GRK4: variants seen among roughly 807,000 people sequenced by gnomAD.
The protein encoded by GRK4 is G protein-coupled receptor kinase 4, also known as G protein-coupled receptor kinase 2-like.
A neutral mutation model predicts 77.9 loss-of-function variants in GRK4; 73 were observed. The observed-to-expected ratio is 0.94, with a 90% CI of 0.78 to 1.14. The LOEUF (loss-of-function observed/expected upper bound fraction) is 1.14. GRK4 is among the 50% of genes most tolerant of loss of function. The pLI, the probability that GRK4 is intolerant of heterozygous loss-of-function variation, is 0.00. For synonymous variants in GRK4, 257 were observed against 254.4 expected, an observed-to-expected ratio of 1.01 and a Z score of -0.10; for missense variants, 729 against 700.2, an observed-to-expected ratio of 1.04 and a Z score of -0.46.
chr4:2,987,966 C>T (rs561111180), intron 2 of GRK4, among the ~76,000 whole-genome samples: 58 of 150,816 alleles, frequency 3.8e-4, no homozygotes, highest in Middle Eastern at 3.4e-3. Flanking sequence ...ATCCAAGGTA[C>T]TCAGGAGGCT....
At chr4:3,020,820 G>C (rs142379358) in intron 9 of GRK4, among the ~76,000 whole-genome samples, 1 of 127,280 alleles carries the variant, frequency 7.9e-6, no homozygotes, top group African/African-American at 3.0e-5. Flanking sequence ...AAAATATTCA[G>C]AAAAAAAAGG....
intron 2 of GRK4, chr4:2,986,954 T>G: frequency 3.2e-6 from 1 of 313,942 alleles, no homozygotes; most frequent in Non-Finnish European, 6.3e-6. Flanking sequence ...TAACTGCTTC[T>G]TGAAGATATA....
At chr4:2,989,688 C>G (rs1402614707) in intron 3 of GRK4, among the ~76,000 whole-genome samples, 2 of 152,284 alleles carry the variant, frequency 1.3e-5, no homozygotes, top group African/African-American at 4.8e-5. Context: ...ACGCTTTAAC[C>G]CAGAAGCATA....
Position 3,029,398 on chromosome 4 carries a change from A to C in GRK4, c.1258A>C (p.Ile420Leu), listed in dbSNP as rs140903356. ...GAAGTTTTCAGAGGATGCCAAATCT[A>C]TCTGCAGGATGGTAAGTCAGGCTCT... ...SEKFSEDAKS[I>L]CRMLLTKNPS... is the part of the protein sequence containing the mutation. Residue 420 changes from isoleucine (I) to leucine (L), a missense_variant, in exon 12 of 16, where the codon ATC (isoleucine) becomes CTC (leucine). Coordinates refer to ENST00000398052, the MANE Select transcript of GRK4 (RefSeq NM_182982.3). The C allele has an allele frequency of 1.9e-6, 3 of 1,613,166 alleles. No homozygotes were observed. The highest frequency in any genetic ancestry group is 2.7e-5 in the African/African-American group (2 of 74,906).
At chr4:3,029,463 G>A (rs143922950) in intron 12 of GRK4, 54 bp downstream of exon 12, 17,529 of 1,475,330 alleles carry the variant, frequency 0.012, 126 homozygotes, top group Non-Finnish European at 0.015. Context: ...CATTCTAGTT[G>A]TTTTCACTGG....
intron 1 of GRK4, among the ~76,000 whole-genome samples, chr4:2,981,489 G>A (rs929014712): frequency 1.3e-5 from 2 of 152,204 alleles, no homozygotes; most frequent in African/African-American, 2.4e-5. Context: ...GACCTGGAGT[G>A]GGTAGCTCCT....
intron 1 of GRK4, among the ~76,000 whole-genome samples, chr4:2,974,666 C>T (rs1006578947): frequency 7.2e-5 from 11 of 151,994 alleles, no homozygotes; most frequent in African/African-American, 2.4e-4. Flanking sequence ...GTGGGTACAC[C>T]CGTTTTTGGT....
chr4:2,975,195 T>A (rs1720753819), intron 1 of GRK4, among the ~76,000 whole-genome samples: 1 of 152,022 alleles, frequency 6.6e-6, no homozygotes, highest in African/African-American at 2.4e-5. Flanking sequence ...CCCAGCTACT[T>A]GGGAGGCTGA....
chr4:3,022,358 A>G (rs1736323769), intron 9 of GRK4, 56 bp from the exon 10 acceptor site: 1 of 1,568,462 alleles, frequency 6.4e-7, no homozygotes, highest in South Asian at 1.1e-5. Context: ...CTGGGTACTC[A>G]GGAATCACAG....
rs10672202 is a variant in GRK4 at position 3,039,698 on chromosome 4, TAAAAAA to T, written c.1684-860_1684-855del. 2.6e-5 allele frequency among the ~76,000 whole-genome samples: 3 copies of T among 115,220 alleles called. No individual in the cohort carries two copies. In the South Asian group the frequency reaches 8.9e-4, roughly 34 times the overall value. The allele number at this position is 115,220 out of a possible 152,430, so 75.6% of individuals were successfully genotyped here. A position where few individuals can be genotyped will look rare whatever the true frequency, so the allele number is the denominator to read the frequency against. ...GGGTGACAAGAGTGAAACTCTGTCT[TAAAAAA>T]AAAAAAAAAAAAAGGAAAAAAAAAT... is the stretch of plus-strand genomic sequence containing the variant. On this transcript the variant is annotated intron_variant, in intron 15 of 15. Coordinates refer to ENST00000398052, the MANE Select transcript of GRK4 (RefSeq NM_182982.3).
intron 10 of GRK4, among the ~76,000 whole-genome samples, chr4:3,025,394 T>TC (rs1191716724): frequency 6.9e-6 from 1 of 145,280 alleles, no homozygotes; most frequent in African/African-American, 2.6e-5. Context: ...CTAATTTTTT[T>TC]TTTTTTTTTT....
At chr4:3,020,018 G>GT (rs1192126786) in intron 9 of GRK4, among the ~76,000 whole-genome samples, 187 bp downstream of exon 9, 1 of 152,000 alleles carries the variant, frequency 6.6e-6, no homozygotes, top group Non-Finnish European at 1.5e-5. Context: ...GGCCCTGGGT[G>GT]TTTTTTTGTT....
At chr4:2,984,472 C>T in intron 1 of GRK4, 41 bp from the exon 2 acceptor site, 3 of 1,106,174 alleles carry the variant, frequency 2.7e-6, no homozygotes, top group Middle Eastern at 3.9e-4. Flanking sequence ...TTGGATATTT[C>T]TGACTGTTAA....
intron 15 of GRK4, among the ~76,000 whole-genome samples, chr4:3,040,107 A>G (rs1741977768): frequency 6.6e-6 from 1 of 152,198 alleles, no homozygotes; most frequent in Non-Finnish European, 1.5e-5. Context: ...CATGAAGTAA[A>G]TAAGGAGAAA....
rs772536951 is a variant in GRK4, at chr4:2,964,022, T to A, written c.-49T>A. ...CGGCGTCTCCTCCTGTTCCGCCTCC[T>A]CAGTCTCCTCGGTCTCGCAGAATCC... On this transcript the variant is annotated 5_prime_UTR_variant, in exon 1 of 16. Transcript: ENST00000398052. 1 of 1,567,572 alleles carries A rather than the reference T, an allele frequency of 6.4e-7. No homozygotes were observed. Among genetic ancestry groups the A allele is most frequent in the Non-Finnish European group, 8.7e-7 (1 of 1,148,588 alleles).
At chr4:3,018,468 A>G (rs1735170656) in intron 8 of GRK4, among the ~76,000 whole-genome samples, 1 of 152,232 alleles carries the variant, frequency 6.6e-6, no homozygotes, top group South Asian at 2.1e-4. Context: ...CAGGAGTTTG[A>G]GTCCAGCCTG....
At chr4:3,029,884 T>C (rs1215502658) in intron 12 of GRK4, among the ~76,000 whole-genome samples, 3 of 152,180 alleles carry the variant, frequency 2.0e-5, no homozygotes, top group Non-Finnish European at 4.4e-5. Context: ...TTTCCAGACA[T>C]GATCTGGAAA....
chr4:2,991,347 G>A (rs561756137), intron 3 of GRK4, among the ~76,000 whole-genome samples: 6 of 152,234 alleles, frequency 3.9e-5, no homozygotes, highest in Non-Finnish European at 5.9e-5. Context: ...AACTTTAATC[G>A]TATGTACAAG....
chr4:2,990,876 C>T (rs1725953953), intron 3 of GRK4, among the ~76,000 whole-genome samples: 1 of 151,970 alleles, frequency 6.6e-6, no homozygotes, highest in Admixed American at 6.6e-5. Flanking sequence ...TCTGATTGTG[C>T]CATTTTGTCA....
Sources: gnomAD v4.1 joint callset for allele counts (sites outside exome capture counted in the v4.1 genomes callset) on GRCh38, gnomAD v4.1.1 for gene constraint, MANE v1.5 for transcripts, NCBI Gene and HGNC (gene_info 2026-07-23, HGNC 2026-07-21) for gene names.